The following RAB9A variants were observed in gnomAD, a reference collection of about 807,000 sequenced individuals.
RAB9A encodes the protein RAB9A, member RAS oncogene family.
A neutral mutation model predicts 10.3 loss-of-function variants in RAB9A; 1 was observed. The ratio of observed to expected loss-of-function variants is 0.10; its 90% CI spans 0.03 to 0.46. The LOEUF is 0.46. RAB9A is among the 20% of genes least tolerant of loss of function. The pLI, the probability that RAB9A is intolerant of heterozygous loss-of-function variation, is 0.96. For missense variants in RAB9A, 92 were observed against 150.3 expected (o/e 0.61, Z 2.03); for synonymous variants, 39 against 55.2 (o/e 0.71, Z 1.30).
At chrX:13,698,621 T>G (rs906778635) in intron 1 of RAB9A, among the ~76,000 whole-genome samples, 13 of 111,951 alleles carry the variant, frequency 1.2e-4, no homozygotes, top group Non-Finnish European at 2.1e-4. Context: ...TAATTCTTTA[T>G]TTATTTTTCT....
At chrX:13,690,017 T>C (rs1168170763) in intron 1 of RAB9A, among the ~76,000 whole-genome samples, 1 of 109,438 alleles carries the variant, frequency 9.1e-6, no homozygotes, top group South Asian at 4.1e-4. Context: ...ACAGTTCTTT[T>C]GAGGAATAAC....
In RAB9A at chrX:13,709,371, AT is replaced by A; in HGVS notation, c.*21del. The A allele has an allele frequency of 8.5e-7, 1 of 1,182,341 alleles. No individual in the cohort carries two copies. Among genetic ancestry groups the A allele is most frequent in the Non-Finnish European group, 1.1e-6 (1 of 880,188 alleles). On this transcript the variant is annotated 3_prime_UTR_variant, in exon 3 of 3. Coordinates refer to ENST00000464506, the MANE Select transcript of RAB9A (RefSeq NM_004251.5). ...CTGTTGATTGTTAGATTGTTGATGC[AT>A]TCTAACCAACTCACACATATACACA...
chrX:13,699,609 G>A, intron 1 of RAB9A, among the ~76,000 whole-genome samples: 1 of 112,375 alleles, frequency 8.9e-6, no homozygotes, highest in Non-Finnish European at 1.9e-5. Context: ...TTAGGTTGCT[G>A]GGGCGGTCCT....
At chrX:13,705,808 G>A (rs1967875986) in intron 2 of RAB9A, among the ~76,000 whole-genome samples, 1 of 111,536 alleles carries the variant, frequency 9.0e-6, no homozygotes, top group Non-Finnish European at 1.9e-5. Flanking sequence ...ACCATGCTAA[G>A]CAGTTCTGAA....
intron 1 of RAB9A, among the ~76,000 whole-genome samples, chrX:13,701,645 A>G (rs10856517): frequency 0.29 from 31,679 of 110,115 alleles, 3,481 homozygotes; most frequent in South Asian, 0.47. Context: ...TGGTAGAGGC[A>G]CGCACAGGAT....
At chrX:13,690,510 G>T (rs1028313473) in intron 1 of RAB9A, among the ~76,000 whole-genome samples, 2 of 111,702 alleles carry the variant, frequency 1.8e-5, no homozygotes, top group African/African-American at 6.5e-5. Context: ...CAAACACTAA[G>T]TAGAACATCA....
At chrX:13,691,626 C>T (rs543033473) in intron 1 of RAB9A, among the ~76,000 whole-genome samples, 1 of 91,477 alleles carries the variant, frequency 1.1e-5, no homozygotes, top group South Asian at 6.1e-4. Flanking sequence ...CGCCATTGCG[C>T]TCCAGCCTGG....
chrX:13,693,501 C>T lies in RAB9A; in HGVS notation c.-116+4213C>T, dbSNP rs758285567. ...AGGGAGGTCGGAGGCGGTCCCAGGCCGTGTTGCCAGAGAGCCCAGGGGTGC... is the reference window on the plus strand; with the variant it reads ...AGGGAGGTCGGAGGCGGTCCCAGGCTGTGTTGCCAGAGAGCCCAGGGGTGC... On this transcript the variant is annotated intron_variant, in intron 1 of 2. Coordinates refer to ENST00000464506, the MANE Select transcript of RAB9A (RefSeq NM_004251.5). Among the ~76,000 whole-genome samples, 6 of 111,710 alleles carry T rather than the reference C, an allele frequency of 5.4e-5. No individual in the cohort carries two copies. In the East Asian group the frequency reaches 1.1e-3, roughly 21 times the overall value.
Position 13,699,092 on chromosome X carries a change from C to T in RAB9A, c.-115-4722C>T, listed in dbSNP as rs1403664524. The stretch of plus-strand genomic sequence containing the variant: ...TTGAGAAGGCAGTTTACAAATGATG[C>T]CTGCTCTCCCTTTGGCAGCTTATTA... On this transcript the variant is annotated intron_variant, in intron 1 of 2. Coordinates refer to ENST00000464506, the MANE Select transcript of RAB9A (RefSeq NM_004251.5). Among the ~76,000 whole-genome samples, 4 of 111,598 alleles carry T rather than the reference C, an allele frequency of 3.6e-5. No individual in the cohort carries two copies. The East Asian group carries it at 1.1e-3, about 31-fold the overall frequency.
chrX:13,690,023 A>G (rs757341503), intron 1 of RAB9A, among the ~76,000 whole-genome samples: 1 of 108,665 alleles, frequency 9.2e-6, no homozygotes, highest in East Asian at 2.9e-4. Context: ...CTTTTGAGGA[A>G]TAACTTTTCT....
rs190460719 is a variant in RAB9A, at chrX:13,706,841, G to T, written c.-26-1880G>T. Among the ~76,000 whole-genome samples, 366 of 111,945 alleles carry T rather than the reference G, an allele frequency of 3.3e-3. 2 individuals are homozygous for T. The highest frequency in any genetic ancestry group is 3.8e-3 in the Non-Finnish European group (200 of 53,176). ...ATCAGAACAGTGGAGCATGTGGCTA[G>T]AAGTGCAGAATTCCTACATGTTACA... On this transcript the variant is annotated intron_variant, in intron 2 of 2. Coordinates refer to ENST00000464506, the MANE Select transcript of RAB9A (RefSeq NM_004251.5).
chrX:13,708,644 A>G, intron 2 of RAB9A, 77 bp from the exon 3 acceptor site: 1 of 936,592 alleles, frequency 1.1e-6, no homozygotes, highest in South Asian at 2.5e-5. Context: ...TATTTCAGCT[A>G]AATGCTGATA....
At chrX:13,702,310 C>G (rs1256068722) in intron 1 of RAB9A, among the ~76,000 whole-genome samples, 2 of 111,235 alleles carry the variant, frequency 1.8e-5, no homozygotes, top group East Asian at 5.6e-4. Flanking sequence ...TGTGGTCAAA[C>G]CTACTTCCCC....
At chrX:13,707,465 T>A (rs143860213) in intron 2 of RAB9A, among the ~76,000 whole-genome samples, 1 of 111,712 alleles carries the variant, frequency 9.0e-6, no homozygotes, top group African/African-American at 3.3e-5. Flanking sequence ...TGTACATGTT[T>A]TACATTTTTC....
intron 1 of RAB9A, among the ~76,000 whole-genome samples, chrX:13,700,117 T>C (rs1308229798): frequency 9.0e-6 from 1 of 111,042 alleles, no homozygotes; most frequent in Non-Finnish European, 1.9e-5. Context: ...CCTGGCTAAT[T>C]TGTGTATTTT....
chrX:13,698,241 T>TC (rs2046157819), intron 1 of RAB9A, among the ~76,000 whole-genome samples: 1 of 91,342 alleles, frequency 1.1e-5, no homozygotes, highest in African/African-American at 4.1e-5. Flanking sequence ...CCTTTCCCAC[T>TC]CCCCCCACCA....
At chrX:13,694,437 G>T (rs1246861307) in intron 1 of RAB9A, among the ~76,000 whole-genome samples, 1 of 112,402 alleles carries the variant, frequency 8.9e-6, no homozygotes, top group African/African-American at 3.2e-5. Flanking sequence ...AAAAATAGTT[G>T]TTTGGGAGCA....
chrX:13,689,907 A>G (rs188632136), intron 1 of RAB9A, among the ~76,000 whole-genome samples: 1 of 111,892 alleles, frequency 8.9e-6, no homozygotes, highest in East Asian at 2.8e-4. Context: ...CTTGGTAAGT[A>G]AAAAGGCAAA....
chrX:13,708,311 A>G (rs1179782995), intron 2 of RAB9A, among the ~76,000 whole-genome samples: 2 of 84,897 alleles, frequency 2.4e-5, no homozygotes, highest in Non-Finnish European at 4.6e-5. Flanking sequence ...TGACAGCGAG[A>G]TCCTGTCTCA....
Sources: gnomAD v4.1 joint callset for allele counts (sites outside exome capture counted in the v4.1 genomes callset) on GRCh38, gnomAD v4.1.1 for gene constraint, MANE v1.5 for transcripts, NCBI Gene and HGNC (gene_info 2026-07-23, HGNC 2026-07-21) for gene names.